The following LANCL2 variants were observed in gnomAD, a reference collection of about 807,000 sequenced individuals.
LANCL2 encodes LanC like glutathione S-transferase 2.
A neutral mutation model predicts 56.9 loss-of-function variants in LANCL2; 33 were observed. The ratio of observed to expected loss-of-function variants is 0.58; its 90% CI spans 0.44 to 0.78. LANCL2 has a LOEUF of 0.78. Ranked by LOEUF, LANCL2 falls within the 30% of genes least tolerant of loss-of-function variation. LANCL2 has a pLI of 0.00. For missense variants in LANCL2, 562 were observed against 580.2 expected (o/e 0.97, Z 0.32); for synonymous variants, 233 against 228.2 (o/e 1.02, Z -0.19).
intron 1 of LANCL2, among the ~76,000 whole-genome samples, chr7:55,391,208 C>T (rs4302800): frequency 0.3 from 45,419 of 150,942 alleles, 7,232 homozygotes; most frequent in Non-Finnish European, 0.36. Flanking sequence ...TTAGTAGAGA[C>T]GGGGTTTCAC....
chr7:55,375,292 A>G (rs1789988521), intron 1 of LANCL2, among the ~76,000 whole-genome samples: 2 of 152,262 alleles, frequency 1.3e-5, no homozygotes, highest in African/African-American at 4.8e-5. Context: ...CATAAAAAAT[A>G]CAGAAGAACA....
intron 2 of LANCL2, among the ~76,000 whole-genome samples, chr7:55,392,610 A>G (rs1790204962): frequency 6.6e-6 from 1 of 152,074 alleles, no homozygotes; most frequent in Non-Finnish European, 1.5e-5. Flanking sequence ...CAGCCTCCCA[A>G]AGTGCTGGGA....
chr7:55,367,920 T>A (rs1789893773), intron 1 of LANCL2, among the ~76,000 whole-genome samples: 1 of 152,262 alleles, frequency 6.6e-6, no homozygotes, highest in Non-Finnish European at 1.5e-5. Context: ...GGTTTTTCTC[T>A]AGATTTCTTC....
At chr7:55,366,748 G>C (rs1276119832) in intron 1 of LANCL2, among the ~76,000 whole-genome samples, 1 of 152,240 alleles carries the variant, frequency 6.6e-6, no homozygotes, top group Non-Finnish European at 1.5e-5. Context: ...AGGTGGGTCA[G>C]AGCGTTACAT....
At chr7:55,415,269 G>T (rs983015860) in intron 6 of LANCL2, among the ~76,000 whole-genome samples, 1 of 152,210 alleles carries the variant, frequency 6.6e-6, no homozygotes, top group African/African-American at 2.4e-5. Context: ...CCCCACCAGG[G>T]TGACACGAGT....
In LANCL2 at chr7:55,428,433, A is replaced by T; in HGVS notation, c.1244A>T (p.Tyr415Phe). The T allele has an allele frequency of 6.2e-7, 1 of 1,614,044 alleles. No homozygotes were observed. Among genetic ancestry groups the T allele is most frequent in the Non-Finnish European group, 8.5e-7 (1 of 1,179,876 alleles). The change falls in exon 8 of 9, where the codon TAT (tyrosine) becomes TTT (phenylalanine). Residue 415 changes from tyrosine to phenylalanine, a missense_variant. Tyr to Phe is a conservative substitution (Grantham distance 22). Coordinates refer to ENST00000254770, the MANE Select transcript of LANCL2 (RefSeq NM_018697.4). The part of the protein sequence containing the change: ...AHGCRIPDRP[Y>F]SLFEGMAGAI... ...GGGTGCCGCATTCCTGACAGACCCTATTCGCTCTTTGAAGGTAAGAGTGAG... is the reference window on the plus strand; with the variant it reads ...GGGTGCCGCATTCCTGACAGACCCTTTTCGCTCTTTGAAGGTAAGAGTGAG...
intron 5 of LANCL2, among the ~76,000 whole-genome samples, chr7:55,401,954 C>T (rs1485692724): frequency 7.3e-6 from 1 of 137,610 alleles, no homozygotes; most frequent in Non-Finnish European, 1.6e-5. Flanking sequence ...TCTACACAGA[C>T]ATGGCAACCA....
chr7:55,405,735 G>C (rs912134890), intron 5 of LANCL2, among the ~76,000 whole-genome samples: 3 of 151,972 alleles, frequency 2.0e-5, no homozygotes, highest in Non-Finnish European at 2.9e-5. Context: ...ATGTGTTTAG[G>C]CTGATTTTGC....
intron 1 of LANCL2, among the ~76,000 whole-genome samples, chr7:55,386,199 A>C (rs931083097): frequency 2.0e-5 from 3 of 152,226 alleles, no homozygotes; most frequent in Admixed American, 6.5e-5. Context: ...CTCGGCTGAC[A>C]GGATTAAGAG....
chr7:55,385,290 G>T (rs879588101), intron 1 of LANCL2, among the ~76,000 whole-genome samples: 2 of 152,270 alleles, frequency 1.3e-5, no homozygotes, highest in South Asian at 4.2e-4. Flanking sequence ...CAAGACAGTT[G>T]TTGAGTACAG....
intron 1 of LANCL2, among the ~76,000 whole-genome samples, chr7:55,390,674 G>C (rs1043259657): frequency 6.6e-6 from 1 of 151,632 alleles, no homozygotes; most frequent in African/African-American, 2.4e-5. Context: ...CCAGCTACTC[G>C]GGAGGCTGAG....
intron 1 of LANCL2, among the ~76,000 whole-genome samples, chr7:55,385,311 T>G (rs754343598): frequency 1.1e-4 from 16 of 152,122 alleles, no homozygotes; most frequent in Non-Finnish European, 2.1e-4. Context: ...AAAGGCAGAT[T>G]TATTAGAGAA....
chr7:55,409,971 T>C (rs1161337479), intron 5 of LANCL2, among the ~76,000 whole-genome samples: 1 of 152,042 alleles, frequency 6.6e-6, no homozygotes, highest in African/African-American at 2.4e-5. Context: ...GTGACCAGAG[T>C]GAAACTAAAA....
In LANCL2 at chr7:55,411,986, G is replaced by A. The variant is rs371096573; in HGVS notation, c.905G>A (p.Arg302Gln). 5.6e-6 allele frequency: 9 copies of A among 1,614,184 alleles called. No homozygotes were observed. Among genetic ancestry groups the A allele is most frequent in the Middle Eastern group, 1.6e-4 (1 of 6,062 alleles). The part of the protein sequence containing the change: ...SIDYVRHKKF[R>Q]SGNYPSSLSN... The stretch of plus-strand genomic sequence containing the variant: ...GATTATGTGCGCCACAAAAAATTCC[G>A]ATCTGGGAATTACCCATCATCATTA... The change falls in exon 6 of 9, where the codon CGA becomes CAA. Residue 302 changes from arginine (R) to glutamine (Q), a missense_variant. This residue lies in a region of LANCL2 where 378 missense variants were observed against 468.4 expected (regional missense o/e 0.81). Transcript: ENST00000254770.
At position 55,365,732 on chromosome 7, in the gene LANCL2, G is replaced by C. The variant is rs568010143; in HGVS notation, c.-294G>C. On this transcript the variant is annotated 5_prime_UTR_variant, in exon 1 of 9. Coordinates refer to ENST00000254770, the MANE Select transcript of LANCL2 (RefSeq NM_018697.4). The stretch of plus-strand genomic sequence containing the variant: ...GGGAAGGTGCGAGGAGGCGCGAGCA[G>C]GCTGTGAGCCGCTGGGCGCTCCCGC... 2.4e-5 allele frequency: 7 copies of C among 296,772 alleles called. No homozygotes were observed. Among genetic ancestry groups the C allele is most frequent in the Non-Finnish European group, 3.7e-5 (6 of 160,438 alleles). The allele number at this position is 296,772 out of a possible 1,614,324, so 18.4% of individuals were successfully genotyped here.
chr7:55,365,825 C>G lies in LANCL2; in HGVS notation c.-201C>G, dbSNP rs1486905780. On this transcript the variant is annotated 5_prime_UTR_variant, in exon 1 of 9. Transcript: ENST00000254770. ...AACAGGGCAGAGGCACAGCGCCCAC[C>G]GCCTCTGCGGCCGCCTGATGTGCGA... is the stretch of plus-strand genomic sequence containing the variant. 2 of 451,202 alleles carry G rather than the reference C, an allele frequency of 4.4e-6. No homozygotes were observed. The highest frequency in any genetic ancestry group is 2.1e-5 in the African/African-American group (1 of 48,670). 27.9% of individuals were successfully genotyped at this position (451,202 alleles called of 1,614,324 possible). A position where few individuals can be genotyped will look rare whatever the true frequency, so the allele number is the denominator to read the frequency against.
chr7:55,370,750 A>G (rs907276052), intron 1 of LANCL2, among the ~76,000 whole-genome samples: 3 of 152,150 alleles, frequency 2.0e-5, no homozygotes, highest in Non-Finnish European at 4.4e-5. Flanking sequence ...GCAAGGACTT[A>G]AGGGATACCA....
At chr7:55,409,250 G>C (rs982743328) in intron 5 of LANCL2, among the ~76,000 whole-genome samples, 1 of 151,500 alleles carries the variant, frequency 6.6e-6, no homozygotes, top group South Asian at 2.1e-4. Context: ...ACCATGCCCG[G>C]CTAATTTTTT....
intron 1 of LANCL2, among the ~76,000 whole-genome samples, chr7:55,368,793 G>C (rs538561731): frequency 7.7e-6 from 1 of 129,510 alleles, no homozygotes; most frequent in South Asian, 2.3e-4. Flanking sequence ...ATGTAATTAA[G>C]ATGATGTAAT....
Sources: gnomAD v4.1 joint callset for allele counts (sites outside exome capture counted in the v4.1 genomes callset) on GRCh38, gnomAD v4.1.1 for gene constraint, gnomAD v4.1.1 regional missense constraint, MANE v1.5 for transcripts, NCBI Gene and HGNC (gene_info 2026-07-23, HGNC 2026-07-21) for gene names.